The following ERC2 variants were observed in gnomAD, a reference collection of about 807,000 sequenced individuals.
ERC2 encodes the protein ELKS/RAB6-interacting/CAST family member 2.
ERC2 carries 42 observed loss-of-function variants against 114.8 expected under a neutral mutation model. That is an observed-to-expected ratio of 0.37 (90% CI 0.29 to 0.47). The LOEUF (loss-of-function observed/expected upper bound fraction) is 0.47. Among genes scored for constraint, ERC2 ranks in the 20% least tolerant of loss-of-function variants. ERC2 has a pLI of 0.99. For missense variants in ERC2, 939 were observed against 1,150.7 expected, an observed-to-expected ratio of 0.82 and a Z score of 2.66; for synonymous variants, 454 against 425.5, an observed-to-expected ratio of 1.07 and a Z score of -0.82.
intron 17 of ERC2, among the ~76,000 whole-genome samples, chr3:55,663,642 G>A (rs1559467653): frequency 6.6e-6 from 1 of 152,174 alleles, no homozygotes; most frequent in Non-Finnish European, 1.5e-5. Flanking sequence ...AGTTGGAAAG[G>A]GAGGCAGAAT....
chr3:56,200,475 A>G (rs919471447), intron 3 of ERC2, among the ~76,000 whole-genome samples: 6 of 152,214 alleles, frequency 3.9e-5, no homozygotes, highest in African/African-American at 1.2e-4. Flanking sequence ...GTGAATCAGA[A>G]AGTGTTCCTA....
At chr3:56,447,893 C>T (rs2062652161) in intron 1 of ERC2, among the ~76,000 whole-genome samples, 1 of 151,978 alleles carries the variant, frequency 6.6e-6, no homozygotes, top group Admixed American at 6.6e-5. Context: ...CAGGTGCCCA[C>T]CACCAAGCCC....
intron 5 of ERC2, among the ~76,000 whole-genome samples, chr3:56,148,135 C>A (rs1469500200): frequency 6.6e-6 from 1 of 152,200 alleles, no homozygotes; most frequent in Non-Finnish European, 1.5e-5. Context: ...CTGGAATCAT[C>A]AGACCAACCC....
chr3:55,559,059 C>T (rs779484973), intron 17 of ERC2, among the ~76,000 whole-genome samples: 1 of 152,236 alleles, frequency 6.6e-6, no homozygotes, highest in Non-Finnish European at 1.5e-5. Context: ...TTGGGATTTA[C>T]CAAGGCATGT....
At chr3:56,085,453 T>C (rs772345068) in intron 6 of ERC2, among the ~76,000 whole-genome samples, 7 of 152,162 alleles carry the variant, frequency 4.6e-5, no homozygotes, top group Non-Finnish European at 8.8e-5. Context: ...CTGATAGCTG[T>C]GCCCCTTCTC....
intron 17 of ERC2, among the ~76,000 whole-genome samples, chr3:55,575,466 G>A (rs899554059): frequency 6.6e-6 from 1 of 152,186 alleles, no homozygotes; most frequent in African/African-American, 2.4e-5. Context: ...TAGCCCATGT[G>A]ACCTCTTGAA....
At chr3:55,962,527 T>C (rs576149160) in intron 12 of ERC2, among the ~76,000 whole-genome samples, 1 of 152,378 alleles carries the variant, frequency 6.6e-6, no homozygotes, top group East Asian at 1.9e-4. Context: ...CTGAATTTGC[T>C]GAACCCTGGT....
intron 3 of ERC2, among the ~76,000 whole-genome samples, chr3:56,277,734 A>G (rs2054092871): frequency 7.8e-6 from 1 of 127,898 alleles, no homozygotes; most frequent in Non-Finnish European, 1.7e-5. Context: ...TGATTAAAAA[A>G]CAAGCCAAAT....
At chr3:55,794,924 C>G (rs1460939629) in intron 14 of ERC2, among the ~76,000 whole-genome samples, 1 of 152,152 alleles carries the variant, frequency 6.6e-6, no homozygotes, top group Non-Finnish European at 1.5e-5. Flanking sequence ...AATGGACCAT[C>G]ATGTCATTTT....
At chr3:56,406,227 T>C (rs1052952489) in intron 2 of ERC2, among the ~76,000 whole-genome samples, 1 of 152,154 alleles carries the variant, frequency 6.6e-6, no homozygotes. Flanking sequence ...TTGATATACA[T>C]TTGCCAATTT....
chr3:56,188,158 C>T (rs189411883), intron 3 of ERC2, among the ~76,000 whole-genome samples: 2 of 152,314 alleles, frequency 1.3e-5, no homozygotes, highest in East Asian at 3.9e-4. Context: ...CTGAACACAA[C>T]TTGAGGGCCA....
At chr3:56,205,952 C>T (rs1276061030) in intron 3 of ERC2, among the ~76,000 whole-genome samples, 1 of 152,108 alleles carries the variant, frequency 6.6e-6, no homozygotes, top group Non-Finnish European at 1.5e-5. Context: ...AGACTCAACA[C>T]TACAAAAATC....
At chr3:56,099,903 CT>C (rs1363044623) in intron 6 of ERC2, among the ~76,000 whole-genome samples, 5 of 152,122 alleles carry the variant, frequency 3.3e-5, no homozygotes, top group Admixed American at 2.6e-4. Flanking sequence ...CTGAAGTTTC[CT>C]TCCTCCAAAA....
chr3:55,834,693 T>G lies in ERC2; in HGVS notation c.2564+53696A>C, dbSNP rs866239702. On this transcript the variant is annotated intron_variant, in intron 14 of 17. Coordinates refer to ENST00000288221, the MANE Select transcript of ERC2 (RefSeq NM_015576.3). Reference sequence around the variant, plus strand: ...AAAATTGACACCCTAACATCACAATTAAAAGAACTAGAAAAGCAAGAGCAA... The same window carrying G: ...AAAATTGACACCCTAACATCACAATGAAAAGAACTAGAAAAGCAAGAGCAA... Among the ~76,000 whole-genome samples, 148 of 147,052 alleles carry G rather than the reference T, an allele frequency of 1.0e-3. 1 individual carries two copies. The highest frequency in any genetic ancestry group is 3.5e-3 in the African/African-American group (134 of 38,208).
intron 6 of ERC2, among the ~76,000 whole-genome samples, chr3:56,123,637 C>T (rs957764875): frequency 1.3e-5 from 2 of 152,172 alleles, no homozygotes; most frequent in Non-Finnish European, 2.9e-5. Context: ...GCAATGGCCT[C>T]GCAGCCTCTA....
At chr3:56,011,681 T>A (rs527850551) in intron 8 of ERC2, among the ~76,000 whole-genome samples, 1 of 152,152 alleles carries the variant, frequency 6.6e-6, no homozygotes, top group South Asian at 2.1e-4. Flanking sequence ...GTTAGATTTC[T>A]GAAATTAGTT....
intron 17 of ERC2, among the ~76,000 whole-genome samples, chr3:55,626,996 T>C (rs2059545871): frequency 6.6e-6 from 1 of 152,384 alleles, no homozygotes; most frequent in Middle Eastern, 3.4e-3. Flanking sequence ...CAGAAATATC[T>C]GCTATTGCTA....
At chr3:56,250,070 C>G (rs1051766610) in intron 3 of ERC2, among the ~76,000 whole-genome samples, 2 of 151,520 alleles carry the variant, frequency 1.3e-5, no homozygotes, top group Non-Finnish European at 2.9e-5. Flanking sequence ...TTGGGCCAGG[C>G]TGGTCTTGAA....
At chr3:55,987,387 C>T (rs2070720318) in intron 11 of ERC2, among the ~76,000 whole-genome samples, 1 of 152,204 alleles carries the variant, frequency 6.6e-6, no homozygotes, top group Non-Finnish European at 1.5e-5. Flanking sequence ...CTTTCAAGGG[C>T]TCCCAGTTTT....
Sources: allele counts gnomAD v4.1 joint callset (sites outside exome capture counted in the v4.1 genomes callset), GRCh38; gene constraint gnomAD v4.1.1; transcripts MANE v1.5; gene names NCBI Gene and HGNC (gene_info 2026-07-23, HGNC 2026-07-21).